ETV7: variants seen among roughly 807,000 people sequenced by gnomAD.
The protein encoded by ETV7 is transcription factor ETV7.
ETV7 carries 43 observed loss-of-function variants against 39.1 expected under a neutral mutation model. The ratio of observed to expected loss-of-function variants is 1.10; its 90% CI spans 0.86 to 1.42. ETV7 has a LOEUF of 1.42. Ranked by LOEUF, ETV7 falls within the 40% of genes most tolerant of loss-of-function variation. The pLI, the probability that ETV7 is intolerant of heterozygous loss-of-function variation, is 0.00. For synonymous variants in ETV7, 196 were observed against 176.6 expected (o/e 1.11, Z -0.87); for missense variants, 432 against 442.3 (o/e 0.98, Z 0.21).
At chr6:36,369,447 C>T (rs1296612504) in intron 5 of ETV7, among the ~76,000 whole-genome samples, 2 of 152,200 alleles carry the variant, frequency 1.3e-5, no homozygotes, top group African/African-American at 4.8e-5. Flanking sequence ...GGGCCCCTGA[C>T]CCCAGGTCCC....
intron 2 of ETV7, 118 bp downstream of exon 2, chr6:36,385,416 G>T: frequency 7.9e-7 from 1 of 1,260,574 alleles, no homozygotes; most frequent in African/African-American, 1.5e-5. Context: ...AAGGTGCAGT[G>T]AGCTATGATT....
intron 2 of ETV7, among the ~76,000 whole-genome samples, chr6:36,380,002 GATGAAAAAA>G (rs1427347870): frequency 5.3e-5 from 8 of 152,276 alleles, no homozygotes; most frequent in Middle Eastern, 3.4e-3. Flanking sequence ...AACCAAGGAT[GATGAAAAAA>G]ATTGTACTGT....
chr6:36,371,652 G>A, intron 4 of ETV7, 92 bp from the exon 5 acceptor site: 1 of 1,129,130 alleles, frequency 8.9e-7, no homozygotes, highest in South Asian at 1.3e-5. Flanking sequence ...GCCCTGTGGG[G>A]CAGCACTCCT....
At chr6:36,354,995 C>T (rs547134004) in intron 7 of ETV7, among the ~76,000 whole-genome samples, 2 of 152,314 alleles carry the variant, frequency 1.3e-5, no homozygotes, top group South Asian at 4.1e-4. Context: ...TTGTATTCTG[C>T]AAACTTACTG....
At position 36,371,376 on chromosome 6, in the gene ETV7, A is replaced by G; in HGVS notation, c.618T>C (p.Cys206=). 6.2e-7 allele frequency: 1 copy of G among 1,601,362 alleles called. No homozygotes were observed. Among genetic ancestry groups the G allele is most frequent in the Non-Finnish European group, 8.5e-7 (1 of 1,173,258 alleles). Residue 206 remains cysteine, a synonymous_variant, in exon 5 of 8, where the codon TGT becomes TGC. Coordinates refer to ENST00000340181, the MANE Select transcript of ETV7 (RefSeq NM_016135.4). ...AELGCRTQGV[C]SFPAMPQAPI... is the part of the protein sequence containing the mutation. ...GGGCCTGCGGCATCGCGGGGAAGGA[A>G]CAGACCCCCTGGGTCCTGCAGCCGA...
Position 36,371,470 on chromosome 6 carries a change from T to C in ETV7, c.524A>G (p.Asp175Gly), listed in dbSNP as rs1773019550. 1 of 1,604,060 alleles carries C rather than the reference T, an allele frequency of 6.2e-7. No homozygotes were observed. Among genetic ancestry groups the C allele is most frequent in the Non-Finnish European group, 8.5e-7 (1 of 1,175,118 alleles). The change falls in exon 5 of 8, where the codon GAT (aspartate) becomes GGT (glycine). Residue 175 changes from aspartate (D) to glycine (G), a missense_variant. Coordinates refer to ENST00000340181, the MANE Select transcript of ETV7 (RefSeq NM_016135.4). ...PGLTSNFGHL[D>G]DPGLARWTPG... ...GGTCCACCTTGCCAGGCCAGGGTCA[T>C]CCAGGTGGCCGAAGTTGCTGGTAAG...
intron 2 of ETV7, among the ~76,000 whole-genome samples, chr6:36,380,837 A>G (rs1163886877): frequency 2.6e-5 from 4 of 152,256 alleles, no homozygotes; most frequent in Middle Eastern, 3.4e-3. Context: ...GGTCACCCCC[A>G]GGGCCTCCTT....
At position 36,376,032 on chromosome 6, in the gene ETV7, A is replaced by G. The variant is rs759234011; in HGVS notation, c.146T>C (p.Ile49Thr). Residue 49 changes from isoleucine to threonine, a missense_variant, in exon 3 of 8, where the codon ATC (isoleucine) becomes ACC (threonine). Coordinates refer to ENST00000340181, the MANE Select transcript of ETV7 (RefSeq NM_016135.4). ...CTCCCTGCTCCACAGTGCGGGCTGGATGCCTGCAACCAGCAAGGACCAGTC... is the reference window on the plus strand; with the variant it reads ...CTCCCTGCTCCACAGTGCGGGCTGGGTGCCTGCAACCAGCAAGGACCAGTC... ...GICKLPGRLR[I>T]QPALWSREDV... 13 of 1,598,742 alleles carry G rather than the reference A, an allele frequency of 8.1e-6. No homozygotes were observed. Among genetic ancestry groups the G allele is most frequent in the Non-Finnish European group, 1.1e-5 (13 of 1,175,396 alleles).
At position 36,371,413 on chromosome 6, in the gene ETV7, T is replaced by C. The variant is rs1251105024; in HGVS notation, c.581A>G (p.His194Arg). The part of the protein sequence containing the change: ...PGKEESLNLC[H>R]CAELGCRTQG... ...GGTCCTGCAGCCGAGCTCTGCACAG[T>C]GACATAAGTTGAGGGACTCCTCCTT... Residue 194 changes from histidine to arginine, a missense_variant, in exon 5 of 8, where the codon CAC becomes CGC. Transcript: ENST00000340181. The C allele has an allele frequency of 6.2e-7, 1 of 1,602,468 alleles. No individual in the cohort carries two copies. The highest frequency in any genetic ancestry group is 8.5e-7 in the Non-Finnish European group (1 of 1,173,916).
chr6:36,383,865 C>T (rs957877933), intron 2 of ETV7, among the ~76,000 whole-genome samples: 4 of 152,212 alleles, frequency 2.6e-5, no homozygotes, highest in Non-Finnish European at 4.4e-5. Flanking sequence ...TGCTGGGGCC[C>T]TGCCCATAGG....
intron 7 of ETV7, among the ~76,000 whole-genome samples, chr6:36,359,414 G>A (rs1449830840): frequency 1.3e-5 from 2 of 150,812 alleles, no homozygotes; most frequent in Admixed American, 1.3e-4. Context: ...TTGCACCATT[G>A]CTCTCCAGCC....
rs59649348 is a variant in ETV7, at chr6:36,356,323, C to CAAA, written c.909-1639_909-1637dup. ...TGGGTAAAAGAGTGAGACCCTGTCTCAAAAAAAAAAAAAAAACAAAAAAAA... is the reference window on the plus strand; with the variant it reads ...TGGGTAAAAGAGTGAGACCCTGTCTCAAAAAAAAAAAAAAAAAAACAAAAAAAA... On this transcript the variant is annotated intron_variant, in intron 7 of 7. Coordinates refer to the ETV7 transcript ENST00000339796. 6.7e-3 allele frequency among the ~76,000 whole-genome samples: 517 copies of CAAA among 77,648 alleles called. 11 individuals are homozygous for CAAA. Among genetic ancestry groups the CAAA allele is most frequent in the South Asian group, 0.038 (91 of 2,400 alleles). The allele number at this position is 77,648 out of a possible 152,430, so 50.9% of individuals were successfully genotyped here.
chr6:36,372,955 G>C (rs1164956086), intron 4 of ETV7, among the ~76,000 whole-genome samples: 1 of 151,744 alleles, frequency 6.6e-6, no homozygotes, highest in Non-Finnish European at 1.5e-5. Context: ...CTAGAAGCAG[G>C]GGAGAAGAGT....
intron 2 of ETV7, among the ~76,000 whole-genome samples, chr6:36,385,004 ATATT>A (rs1044959700): frequency 3.3e-5 from 5 of 152,136 alleles, no homozygotes; most frequent in African/African-American, 1.2e-4. Flanking sequence ...ATAATTGTAT[ATATT>A]TATGCAATAC....
chr6:36,379,719 TA>T (rs1418548064), intron 2 of ETV7, among the ~76,000 whole-genome samples: 1 of 150,990 alleles, frequency 6.6e-6, no homozygotes, highest in Non-Finnish European at 1.5e-5. Flanking sequence ...CTACTAAAAA[TA>T]AAAAAATTAG....
intron 7 of ETV7, among the ~76,000 whole-genome samples, chr6:36,359,373 C>G (rs1772417425): frequency 6.6e-6 from 1 of 151,900 alleles, no homozygotes; most frequent in Non-Finnish European, 1.5e-5. Context: ...ACCACTTGAA[C>G]CTAGGAGGCG....
intron 2 of ETV7, among the ~76,000 whole-genome samples, chr6:36,377,382 G>A (rs138912023): frequency 0.013 from 1,910 of 152,168 alleles, 35 homozygotes; most frequent in African/African-American, 0.044. Context: ...TGGGAGGATC[G>A]CTTGAGCCCG....
rs1238221521 is a variant in ETV7, at chr6:36,366,359, C to T, written c.*286G>A. On this transcript the variant is annotated 3_prime_UTR_variant, in exon 8 of 8. Coordinates refer to ENST00000340181, the MANE Select transcript of ETV7 (RefSeq NM_016135.4). ...GTAAATTCCATTTACAGGGGTGGGG[C>T]TGGGTGCTCTATCGGTGCCTGGCTT... The T allele has an allele frequency of 1.6e-5, 20 of 1,236,164 alleles. No individual in the cohort carries two copies. The highest frequency in any genetic ancestry group is 1.9e-5 in the Non-Finnish European group (19 of 982,184). 76.6% of individuals were successfully genotyped at this position (1,236,164 alleles called of 1,614,324 possible). A position where few individuals can be genotyped will look rare whatever the true frequency, so the allele number is the denominator to read the frequency against.
At chr6:36,355,456 A>T (rs190236422) in intron 7 of ETV7, among the ~76,000 whole-genome samples, 4 of 151,072 alleles carry the variant, frequency 2.6e-5, no homozygotes, top group South Asian at 2.1e-4. Context: ...CAGTGGCATG[A>T]TCTTACTCCA....
Sources: allele counts gnomAD v4.1 joint callset (sites outside exome capture counted in the v4.1 genomes callset), GRCh38; gene constraint gnomAD v4.1.1; transcripts MANE v1.5; gene names NCBI Gene and HGNC (gene_info 2026-07-23, HGNC 2026-07-21).